Variants in BACH2 observed in about 807,000 individuals in gnomAD.
BACH2 encodes transcription regulator protein BACH2.
Under a neutral mutation model 61.8 loss-of-function variants are expected in BACH2, and 5 were observed. That is an observed-to-expected ratio of 0.08 (90% CI 0.04 to 0.17). The LOEUF (loss-of-function observed/expected upper bound fraction) is 0.17, where lower values mean the gene tolerates loss of function less well. Among genes scored for constraint, BACH2 ranks in the 10% least tolerant of loss-of-function variants. The probability of loss-of-function intolerance (pLI) is 1.00; values close to 1 mark genes in which losing one functional copy is unlikely to be tolerated. For missense variants in BACH2, 824 were observed against 1,091.1 expected, an observed-to-expected ratio of 0.76 and a Z score of 3.45; for synonymous variants, 446 against 440.1, an observed-to-expected ratio of 1.01 and a Z score of -0.17.
intron 5 of BACH2, among the ~76,000 whole-genome samples, chr6:90,086,402 G>T (rs1781934280): frequency 6.6e-6 from 1 of 151,994 alleles, no homozygotes; most frequent in South Asian, 2.1e-4. Context: ...TTTTTTTGAG[G>T]AACTGTCGTA....
At chr6:89,960,646 ACT>A (rs749452042) in intron 6 of BACH2, among the ~76,000 whole-genome samples, 9 of 152,018 alleles carry the variant, frequency 5.9e-5, no homozygotes, top group South Asian at 4.1e-4. Flanking sequence ...GCTCAATGAA[ACT>A]CTGCAAATCC....
At chr6:90,245,581 T>G (rs990408179) in intron 3 of BACH2, among the ~76,000 whole-genome samples, 2 of 152,148 alleles carry the variant, frequency 1.3e-5, no homozygotes, top group Non-Finnish European at 1.5e-5. Flanking sequence ...TTTTTTAAAT[T>G]TAAAAACAAA....
chr6:90,212,823 A>G, intron 3 of BACH2, among the ~76,000 whole-genome samples: 1 of 152,230 alleles, frequency 6.6e-6, no homozygotes, highest in African/African-American at 2.4e-5. Flanking sequence ...ATAGTCTGAG[A>G]GCCAGATGGG....
chr6:90,223,074 T>C (rs1262793091), intron 3 of BACH2, among the ~76,000 whole-genome samples: 1 of 152,244 alleles, frequency 6.6e-6, no homozygotes, highest in East Asian at 1.9e-4. Context: ...TCCCCTTCCT[T>C]GTCCAGTGTG....
At chr6:90,198,909 T>C (rs112036699) in intron 4 of BACH2, among the ~76,000 whole-genome samples, 6,082 of 152,250 alleles carry the variant, frequency 0.04, 175 homozygotes, top group Non-Finnish European at 0.059. Flanking sequence ...GGTGGGTCTT[T>C]CCCATGCTGT....
chr6:89,990,830 A>G (rs6926007), intron 6 of BACH2, among the ~76,000 whole-genome samples: 98,013 of 152,082 alleles, frequency 0.64, 32,380 homozygotes, highest in South Asian at 0.75. Context: ...TTGGGATATA[A>G]GCTCTGTGAA....
At chr6:90,020,543 C>T (rs985733355) in intron 5 of BACH2, among the ~76,000 whole-genome samples, 4 of 149,660 alleles carry the variant, frequency 2.7e-5, no homozygotes, top group Admixed American at 6.7e-5. Context: ...TCACCAGATG[C>T]GGCCCCTAGA....
chr6:90,031,893 G>A (rs1241278042), intron 5 of BACH2, among the ~76,000 whole-genome samples: 2 of 152,014 alleles, frequency 1.3e-5, no homozygotes, highest in Admixed American at 6.5e-5. Flanking sequence ...AGCCCGCATT[G>A]CCAAGTCAAT....
rs184141661 is a variant in BACH2, at chr6:89,966,603, T to A, written c.244-14741A>T. ...TCAGTCACCCACTTCCCCTCCCTGCTTCTTAACTGAGTTTGAATCTTTTCT... is the reference window on the plus strand; with the variant it reads ...TCAGTCACCCACTTCCCCTCCCTGCATCTTAACTGAGTTTGAATCTTTTCT... On this transcript the variant is annotated intron_variant, in intron 6 of 8. Transcript: ENST00000257749. Among the ~76,000 whole-genome samples, 49 of 152,346 alleles carry A rather than the reference T, an allele frequency of 3.2e-4. 1 individual carries two copies. Among genetic ancestry groups the A allele is most frequent in the African/African-American group, 1.2e-3 (48 of 41,588 alleles).
chr6:89,942,846 A>G (rs1224538875), intron 7 of BACH2, among the ~76,000 whole-genome samples: 3 of 152,208 alleles, frequency 2.0e-5, no homozygotes, highest in African/African-American at 4.8e-5. Context: ...TCAGCCCAGC[A>G]AAGTGTTGAC....
chr6:90,093,792 C>A (rs1235109035), intron 4 of BACH2, among the ~76,000 whole-genome samples: 1 of 152,156 alleles, frequency 6.6e-6, no homozygotes, highest in Admixed American at 6.5e-5. Flanking sequence ...ACACTTCCTG[C>A]CTTGTGGCAT....
chr6:89,984,538 G>C (rs1426780063), intron 6 of BACH2, among the ~76,000 whole-genome samples: 2 of 152,056 alleles, frequency 1.3e-5, no homozygotes, highest in Non-Finnish European at 2.9e-5. Flanking sequence ...GTGAGTGAAA[G>C]AAGCAGACAC....
At chr6:90,173,235 G>C (rs1416816821) in intron 4 of BACH2, among the ~76,000 whole-genome samples, 1 of 152,054 alleles carries the variant, frequency 6.6e-6, no homozygotes, top group African/African-American at 2.4e-5. Context: ...ATGCATTAGT[G>C]CAATCAATAA....
At chr6:90,286,306 GA>G (rs1335668288) in intron 1 of BACH2, among the ~76,000 whole-genome samples, 1 of 152,206 alleles carries the variant, frequency 6.6e-6, no homozygotes, top group African/African-American at 2.4e-5. Flanking sequence ...TTTAATGTGG[GA>G]AATTTAAAAC....
chr6:90,227,056 GATGAA>G (rs895957745), intron 3 of BACH2, among the ~76,000 whole-genome samples: 17 of 152,302 alleles, frequency 1.1e-4, no homozygotes, highest in African/African-American at 3.9e-4. Flanking sequence ...TCTATCTGAA[GATGAA>G]ATGAAGTTTG....
Position 90,090,644 on chromosome 6 carries a change from A to AC in BACH2, c.-161-1536_-161-1535insG. Among the ~76,000 whole-genome samples the AC allele has an allele frequency of 2.0e-5, 3 of 152,204 alleles. No homozygotes were observed. The South Asian group carries it at 6.2e-4, about 31-fold the overall frequency. On this transcript the variant is annotated intron_variant, in intron 4 of 8. Transcript: ENST00000257749. The stretch of plus-strand genomic sequence containing the variant: ...GGAGTTAATTTTAGTTTACCATCAA[A>AC]TGACCCTCATTAGGCCAGACTGAGT...
At chr6:89,991,870 C>T (rs1468437100) in intron 6 of BACH2, among the ~76,000 whole-genome samples, 1 of 152,148 alleles carries the variant, frequency 6.6e-6, no homozygotes, top group Non-Finnish European at 1.5e-5. Flanking sequence ...GAATGTTCCA[C>T]AGAGGATGTC....
At chr6:90,189,007 A>T (rs1484357439) in intron 4 of BACH2, among the ~76,000 whole-genome samples, 1 of 152,210 alleles carries the variant, frequency 6.6e-6, no homozygotes, top group Non-Finnish European at 1.5e-5. Flanking sequence ...AAGTTTCCTA[A>T]GAAAACAGAG....
chr6:90,169,351 A>C (rs1327994642), intron 4 of BACH2, among the ~76,000 whole-genome samples: 1 of 152,112 alleles, frequency 6.6e-6, no homozygotes, highest in African/African-American at 2.4e-5. Context: ...GTAAAAATGG[A>C]GTCTTGGATG....
Sources: gnomAD v4.1 joint callset for allele counts (sites outside exome capture counted in the v4.1 genomes callset) on GRCh38, gnomAD v4.1.1 for gene constraint, MANE v1.5 for transcripts, NCBI Gene and HGNC (gene_info 2026-07-23, HGNC 2026-07-21) for gene names.